FAM163B: variants seen among roughly 807,000 people sequenced by gnomAD.
FAM163B encodes family with sequence similarity 163 member B, also known as protein FAM163B.
FAM163B carries 4 observed loss-of-function variants against 7.6 expected under a neutral mutation model. The observed-to-expected ratio is 0.52, with a 90% CI of 0.26 to 1.20. FAM163B has a LOEUF of 1.20. Among genes scored for constraint, FAM163B ranks in the 50% most tolerant of loss-of-function variants. FAM163B has a pLI of 0.14. For missense variants in FAM163B, 250 were observed against 243.0 expected (o/e 1.03, Z -0.19); for synonymous variants, 120 against 111.6 (o/e 1.07, Z -0.47).
At chr9:133,579,523 G>A in intron 2 of FAM163B, 94 bp from the exon 3 acceptor site, 1 of 1,450,688 alleles carries the variant, frequency 6.9e-7, no homozygotes, top group Non-Finnish European at 9.2e-7. Context: ...AGGGGAGATA[G>A]GCACGGTGGG....
rs374472053 is a variant in FAM163B at position 133,600,419 on chromosome 9, CCT to C, written c.-24+8656_-24+8657del. On this transcript the variant is annotated intron_variant, in intron 1 of 2. Transcript: ENST00000673969. This position sits in a 1 kb window ranked among gnomAD's most constrained non-coding sequence, Gnocchi z 4.9. ...GGGCAGGGGCGTGTGCCACAGTACC[CCT>C]GTTTCCCTGTGGTGCCACCCACTCT... is the stretch of plus-strand genomic sequence containing the variant. 8.7e-3 allele frequency among the ~76,000 whole-genome samples: 1,325 copies of C among 152,236 alleles called. 17 individuals are homozygous for C. The highest frequency in any genetic ancestry group is 0.051 in the Middle Eastern group (15 of 294).
At position 133,595,586 on chromosome 9, in the gene FAM163B, T is replaced by C. The variant is rs574298090; in HGVS notation, c.-24+13491A>G. ...ATCTCCCCCTCCCTCCTTGGCTGGC[T>C]TCTCCTACTCTCCTGACCTCTAAGT... On this transcript the variant is annotated intron_variant, in intron 1 of 2. Transcript: ENST00000673969. Among the ~76,000 whole-genome samples the C allele has an allele frequency of 1.2e-4, 18 of 152,250 alleles. No individual in the cohort carries two copies. The South Asian group carries it at 3.7e-3, about 32-fold the overall frequency.
chr9:133,605,529 A>G (rs1272148639), intron 1 of FAM163B, among the ~76,000 whole-genome samples: 1 of 152,164 alleles, frequency 6.6e-6, no homozygotes, highest in Non-Finnish European at 1.5e-5. Context: ...ACTGAGCTCA[A>G]GGGCAGAGGT....
At chr9:133,588,134 C>T (rs7029811) in intron 1 of FAM163B, among the ~76,000 whole-genome samples, 65,984 of 151,956 alleles carry the variant, frequency 0.43, 15,188 homozygotes, top group East Asian at 0.9. Context: ...GCCAGTAGCA[C>T]TCCCTGCTTT....
At chr9:133,580,346 A>T in intron 1 of FAM163B, 100 bp from the exon 2 acceptor site, 1 of 934,930 alleles carries the variant, frequency 1.1e-6, no homozygotes, top group Non-Finnish European at 1.6e-6. Flanking sequence ...AGGGGAAAAA[A>T]GCACCCCAGG....
chr9:133,594,980 GGGCGTTGGTGCCTGAGCCA>G (rs1831609542), intron 1 of FAM163B, among the ~76,000 whole-genome samples: 2 of 152,180 alleles, frequency 1.3e-5, no homozygotes, highest in African/African-American at 4.8e-5. Flanking sequence ...GCAGGCAGCA[GGGCGTTGGTGCCTGAGCCA>G]GCCTTCCTGG....
chr9:133,607,089 C>G (rs557276664), intron 1 of FAM163B, among the ~76,000 whole-genome samples: 19 of 152,332 alleles, frequency 1.2e-4, no homozygotes, highest in African/African-American at 4.3e-4. Flanking sequence ...CTGCTCTGCA[C>G]TCCCTCAATA....
At chr9:133,583,692 C>A (rs1231112897) in intron 1 of FAM163B, among the ~76,000 whole-genome samples, 2 of 152,216 alleles carry the variant, frequency 1.3e-5, no homozygotes, top group African/African-American at 2.4e-5. Context: ...TCCTCTGGGC[C>A]CAGGTCTCCT....
At chr9:133,599,866 AGT>A (rs1012658537) in intron 1 of FAM163B, among the ~76,000 whole-genome samples, 5 of 137,026 alleles carry the variant, frequency 3.6e-5, no homozygotes, top group African/African-American at 1.4e-4. Flanking sequence ...TGTGTGTGCT[AGT>A]GTGTCTGTGT....
At chr9:133,588,620 T>TCTAGGATGCTGAAGGATGTAGCA (rs1831480806) in intron 1 of FAM163B, among the ~76,000 whole-genome samples, 1 of 152,106 alleles carries the variant, frequency 6.6e-6, no homozygotes, top group Non-Finnish European at 1.5e-5. Flanking sequence ...TGCTGAAGGA[T>TCTAGGATGCTGAAGGATGTAGCA]CTAGCATGTT....
intron 1 of FAM163B, among the ~76,000 whole-genome samples, chr9:133,598,431 C>T (rs993338490): frequency 6.6e-6 from 1 of 151,850 alleles, no homozygotes; most frequent in African/African-American, 2.4e-5. Flanking sequence ...AACAACAAAC[C>T]AAAAAATATA....
At position 133,577,448 on chromosome 9, in the gene FAM163B, A is replaced by C. The variant is rs975116172; in HGVS notation, c.*1574T>G. Among the ~76,000 whole-genome samples the C allele has an allele frequency of 1.1e-4, 16 of 152,254 alleles. No individual in the cohort carries two copies. The highest frequency in any genetic ancestry group is 1.9e-4 in the Non-Finnish European group (13 of 68,046). On this transcript the variant is annotated 3_prime_UTR_variant, in exon 3 of 3. Coordinates refer to ENST00000673969, the MANE Select transcript of FAM163B (RefSeq NM_001080515.3). The stretch of plus-strand genomic sequence containing the variant: ...GGAGAGAAAGTAAGAGGAGGAAAAC[A>C]ATTGAGAACATAACGATTGTGACTT...
intron 1 of FAM163B, among the ~76,000 whole-genome samples, chr9:133,582,457 G>A (rs1831370549): frequency 6.6e-5 from 10 of 152,236 alleles, no homozygotes; most frequent in Admixed American, 6.5e-4. Context: ...TCTGGGTCAG[G>A]TCAGGGCTGG....
intron 1 of FAM163B, among the ~76,000 whole-genome samples, chr9:133,604,859 T>C (rs1831770670): frequency 6.6e-6 from 1 of 152,094 alleles, no homozygotes; most frequent in African/African-American, 2.4e-5. Context: ...CAAATGCAAA[T>C]TAGGATGATT....
At chr9:133,579,816 G>A (rs11507483) in intron 2 of FAM163B, among the ~76,000 whole-genome samples, 74,196 of 152,066 alleles carry the variant, frequency 0.49, 18,890 homozygotes, top group African/African-American at 0.56. Context: ...GAGACATGGA[G>A]ACTCTGGATG....
At chr9:133,584,699 G>A (rs1323960286) in intron 1 of FAM163B, among the ~76,000 whole-genome samples, 1 of 152,340 alleles carries the variant, frequency 6.6e-6, no homozygotes, top group African/African-American at 2.4e-5. Flanking sequence ...GAAACTTCCT[G>A]GAGGAGGAAG....
chr9:133,585,903 G>C (rs1316740149), intron 1 of FAM163B: 4 of 152,232 alleles, frequency 2.6e-5, no homozygotes, highest in Non-Finnish European at 5.9e-5. Context: ...GCGTCTCGTC[G>C]AGGGCTTATG....
In FAM163B at chr9:133,579,065, C is replaced by T. The variant is rs780818543; in HGVS notation, c.458G>A (p.Arg153Gln). ...GCTGCGGCTCCTGGCGAAGGCCTCC[C>T]GCATGGCTGAGAGGCGGTTGGGGTT... ...ALNPNRLSAM[R>Q]EAFARSRSIS... Residue 153 changes from arginine (R) to glutamine (Q), a missense_variant, in exon 3 of 3, where the codon CGG becomes CAG. Physicochemically the swap from Arg to Gln is conservative, Grantham distance 43. Transcript: ENST00000673969. 2.8e-5 allele frequency: 45 copies of T among 1,587,016 alleles called. No homozygotes were observed. Among genetic ancestry groups the T allele is most frequent in the African/African-American group, 1.6e-4 (12 of 74,332 alleles).
chr9:133,602,085 C>A (rs113927489), intron 1 of FAM163B, among the ~76,000 whole-genome samples: 2 of 151,794 alleles, frequency 1.3e-5, no homozygotes, highest in East Asian at 1.9e-4. Flanking sequence ...CCCCGCCCCC[C>A]CAAACACACA....
Sources: allele counts gnomAD v4.1 joint callset (sites outside exome capture counted in the v4.1 genomes callset), GRCh38; gene constraint gnomAD v4.1.1; non-coding constraint Gnocchi (gnomAD v3.1); transcripts MANE v1.5; gene names NCBI Gene and HGNC (gene_info 2026-07-23, HGNC 2026-07-21).